SLC4A5: variants seen among roughly 807,000 people sequenced by gnomAD.
The protein encoded by SLC4A5 is electrogenic sodium bicarbonate cotransporter 4.
Under a neutral mutation model 120.4 loss-of-function variants are expected in SLC4A5, and 96 were observed. That is an observed-to-expected ratio of 0.80 (90% CI 0.68 to 0.94). SLC4A5 has a LOEUF of 0.94. SLC4A5 is among the 40% of genes least tolerant of loss of function. SLC4A5 has a pLI of 0.00. For missense variants in SLC4A5, 1,259 were observed against 1,459.5 expected (o/e 0.86, Z 2.24); for synonymous variants, 550 against 571.1 (o/e 0.96, Z 0.53).
At chr2:74,314,797 G>C in intron 6 of SLC4A5, 148 bp downstream of exon 6, 1 of 702,484 alleles carries the variant, frequency 1.4e-6, no homozygotes, top group Non-Finnish European at 2.5e-6. Flanking sequence ...ATGAAGGCTG[G>C]TCCCACCAGC....
chr2:74,222,914 C>T, exon 29 of SLC4A5: 1 of 1,613,444 alleles, frequency 6.2e-7, no homozygotes, highest in Non-Finnish European at 8.5e-7. Flanking sequence ...GGACACTTTC[C>T]ATGGGAATCT....
At chr2:74,265,157 T>G (rs1671263142) in exon 9 of SLC4A5, 2 of 1,614,242 alleles carry the variant, frequency 1.2e-6, no homozygotes, top group Non-Finnish European at 8.5e-7. Context: ...CGTCCCCGTC[T>G]GCAGGCAGGT....
intron 14 of SLC4A5, among the ~76,000 whole-genome samples, chr2:74,254,352 GC>G (rs1325905317): frequency 6.6e-5 from 10 of 152,280 alleles, no homozygotes; most frequent in Admixed American, 5.9e-4. Flanking sequence ...TAGCTTTAAA[GC>G]CCCCTCATCT....
intron 8 of SLC4A5, among the ~76,000 whole-genome samples, chr2:74,281,598 C>T (rs1020871807): frequency 4.6e-5 from 7 of 152,304 alleles, no homozygotes; most frequent in African/African-American, 1.7e-4. Context: ...GCATTGATCA[C>T]ATTAGAAATG....
exon 14 of SLC4A5, chr2:74,254,679 A>G (rs764810649): frequency 2.5e-6 from 4 of 1,613,968 alleles, no homozygotes; most frequent in African/African-American, 2.7e-5. Context: ...TTGCTCTCCC[A>G]GAAGGTCCCA....
Position 74,244,342 on chromosome 2 carries a change from C to T in SLC4A5, c.2060-2290G>A, listed in dbSNP as rs139206604. On this transcript the variant is annotated intron_variant, in intron 19 of 30. Transcript: ENST00000394019. ...AAGATTCAATATACATCTGCTTGGA[C>T]CCTACTCCAGAGTTCTTTCGCTTGT... Among the ~76,000 whole-genome samples the T allele has an allele frequency of 1.9e-3, 291 of 152,152 alleles. 6 individuals carry two copies. The highest frequency in any genetic ancestry group is 6.7e-3 in the African/African-American group (277 of 41,514).
In SLC4A5 at chr2:74,285,691, G is replaced by T; in HGVS notation, c.401+82C>A. 2.6e-6 allele frequency: 4 copies of T among 1,540,530 alleles called. No homozygotes were observed. The Admixed American group carries it at 7.3e-5, about 28-fold the overall frequency. ...CCAGGAAGCTCTCAAGGTACAAGGT[G>T]CCACTTCCCACCAGGAGGGTCAGGC... On this transcript the variant is annotated intron_variant, in intron 8 of 30. Coordinates refer to ENST00000394019, the Ensembl canonical transcript of SLC4A5.
rs772737815 is a variant in SLC4A5, at chr2:74,250,502, C to T, written c.1494G>A (p.Leu498=). Residue 498 remains leucine (L), a synonymous_variant, in exon 17 of 31, where the codon CTG becomes CTA. Transcript: ENST00000394019. ...GCAACTTCCTCTTGATATCCAGACA[C>T]AGGCCACCGAAGAACCTGCTCAAGA... 7 of 1,614,084 alleles carry T rather than the reference C, an allele frequency of 4.3e-6. No individual in the cohort carries two copies. In the South Asian group the frequency reaches 7.7e-5, roughly 18 times the overall value.
At chr2:74,238,012 G>C (rs1210239821) in intron 21 of SLC4A5, among the ~76,000 whole-genome samples, 3 of 152,152 alleles carry the variant, frequency 2.0e-5, no homozygotes, top group African/African-American at 7.2e-5. Flanking sequence ...TGAGGCAGGA[G>C]AATCACTTGA....
intron 7 of SLC4A5, among the ~76,000 whole-genome samples, chr2:74,294,929 T>C (rs1236025190): frequency 6.6e-6 from 1 of 152,050 alleles, no homozygotes; most frequent in Non-Finnish European, 1.5e-5. Flanking sequence ...CCTCAGCCTC[T>C]CGAAGTGCTG....
intron 6 of SLC4A5, chr2:74,307,801 C>A: frequency 7.1e-6 from 3 of 420,412 alleles, no homozygotes; most frequent in Middle Eastern, 4.5e-4. Flanking sequence ...TCTGGCCAGA[C>A]CCCCAGCCAT....
At chr2:74,298,247 T>C (rs1321363212) in intron 7 of SLC4A5, among the ~76,000 whole-genome samples, 1 of 152,106 alleles carries the variant, frequency 6.6e-6, no homozygotes. Flanking sequence ...GGGAATATAA[T>C]AGAAAGCACA....
chr2:74,341,014 T>C (rs1277457698), intron 2 of SLC4A5, among the ~76,000 whole-genome samples: 1 of 152,126 alleles, frequency 6.6e-6, no homozygotes, highest in East Asian at 1.9e-4. Context: ...ACCGAATAAA[T>C]GTAAAAGAGG....
Position 74,316,322 on chromosome 2 carries a change from A to T in SLC4A5, c.-2-1297T>A, listed in dbSNP as rs12463573. Among the ~76,000 whole-genome samples, 277 of 62,620 alleles carry T rather than the reference A, an allele frequency of 4.4e-3. 4 individuals are homozygous for T. The African/African-American group carries it at 0.067, about 15-fold the overall frequency. The allele number at this position is 62,620 out of a possible 152,430, so 41.1% of individuals were successfully genotyped here. On this transcript the variant is annotated intron_variant, in intron 5 of 30. Coordinates refer to ENST00000394019, the Ensembl canonical transcript of SLC4A5. Reference sequence around the variant, plus strand: ...CTAGGTTATGCTACAAAAGAGTTGTAAAAAAAAAAAAAAAAAAAAAAAAAA... The same window carrying T: ...CTAGGTTATGCTACAAAAGAGTTGTTAAAAAAAAAAAAAAAAAAAAAAAAA...
At chr2:74,242,118 C>T in intron 19 of SLC4A5, 66 bp from the exon 20 acceptor site, 1 of 1,448,514 alleles carries the variant, frequency 6.9e-7, no homozygotes, top group Non-Finnish European at 9.5e-7. Context: ...CATTCCCAAC[C>T]CCTTCCCATC....
chr2:74,236,939 C>T (rs887830153), intron 21 of SLC4A5, among the ~76,000 whole-genome samples: 11 of 151,940 alleles, frequency 7.2e-5, no homozygotes, highest in African/African-American at 2.4e-4. Context: ...TGGCCTCATT[C>T]CTCTCTGCAA....
At chr2:74,227,502 C>T in intron 26 of SLC4A5, 1 of 1,610,308 alleles carries the variant, frequency 6.2e-7, no homozygotes, top group Non-Finnish European at 8.5e-7. Context: ...GAGAGAGGTA[C>T]AGTGAAATGC....
intron 6 of SLC4A5, chr2:74,307,411 C>T: frequency 3.1e-6 from 2 of 640,804 alleles, no homozygotes; most frequent in South Asian, 2.8e-5. Flanking sequence ...GCCTCGATCT[C>T]TGTCTCCAGC....
chr2:74,249,673 G>A (rs564616236), intron 17 of SLC4A5, among the ~76,000 whole-genome samples: 12 of 152,300 alleles, frequency 7.9e-5, no homozygotes, highest in Admixed American at 1.3e-4. Flanking sequence ...GGAGCAGCAC[G>A]TCAGGAGGGA....
Sources: gnomAD v4.1 joint callset for allele counts (sites outside exome capture counted in the v4.1 genomes callset) on GRCh38, gnomAD v4.1.1 for gene constraint, MANE v1.5 for transcripts, NCBI Gene and HGNC (gene_info 2026-07-23, HGNC 2026-07-21) for gene names.